Variants in TAP1 observed in about 807,000 individuals in gnomAD.
The protein encoded by TAP1 is transporter 1, ATP binding cassette subfamily B member.
TAP1 carries 56 observed loss-of-function variants against 79.3 expected under a neutral mutation model. That is an observed-to-expected ratio of 0.71 (90% CI 0.57 to 0.88). The LOEUF (loss-of-function observed/expected upper bound fraction) is 0.88. Ranked by LOEUF, TAP1 falls within the 40% of genes least tolerant of loss-of-function variation. The pLI, the probability that TAP1 is intolerant of heterozygous loss-of-function variation, is 0.00. For missense variants in TAP1, 737 were observed against 936.3 expected (o/e 0.79, Z 2.78); for synonymous variants, 355 against 401.4 (o/e 0.88, Z 1.38).
rs59328013 is a variant in TAP1, at chr6:32,852,214, C to G, written c.739G>C (p.Gly247Arg). The change falls in exon 3 of 11, where the codon GGG becomes CGG. Residue 247 changes from glycine to arginine, a missense_variant. Around this residue, in one of 5 missense-constraint regions of TAP1, gnomAD observed 406 missense variants for 477.2 expected, o/e 0.85. Transcript: ENST00000354258. The surrounding 1 kb of genome is among the most constrained non-coding windows in gnomAD (Gnocchi z 4.8). ...TGGCCCATGGTGTTGTTATAGATCC[C>G]GTCACCCACGAACTCCAGCACTGCA... ...ASAVLEFVGD[G>R]IYNNTMGHVH... 6.2e-7 allele frequency: 1 copy of G among 1,612,938 alleles called. No homozygotes were observed. Among genetic ancestry groups the G allele is most frequent in the Non-Finnish European group, 8.5e-7 (1 of 1,180,008 alleles).
At chr6:32,848,438 C>T (rs1015926182) in intron 7 of TAP1, among the ~76,000 whole-genome samples, 1 of 152,264 alleles carries the variant, frequency 6.6e-6, no homozygotes, top group Non-Finnish European at 1.5e-5. Context: ...CGTGAGAGCA[C>T]TCTCTTCGAA....
rs112476898 is a variant in TAP1, at chr6:32,848,054, C to G, written c.1605G>C (p.Ala535=). The G allele has an allele frequency of 6.2e-7, 1 of 1,612,706 alleles. No individual in the cohort carries two copies. The highest frequency in any genetic ancestry group is 1.3e-5 in the African/African-American group (1 of 74,926). ...TCCCAGACCCATTGGGTCCCACCAG[C>G]GCCGTCACCTCGCCAGGGCGTAGGG... ...TFTLRPGEVT[A]LVGPNGSGKS... Residue 535 remains alanine, a synonymous_variant, in exon 8 of 11, where the codon GCG becomes GCC. Coordinates refer to ENST00000354258, the MANE Select transcript of TAP1 (RefSeq NM_000593.6).
Position 32,845,592 on chromosome 6 carries a change from T to A in TAP1, c.2234A>T (p.Asp745Val), listed in dbSNP as rs1223158550. 1.9e-6 allele frequency: 3 copies of A among 1,613,046 alleles called. No homozygotes were observed. The highest frequency in any genetic ancestry group is 2.5e-6 in the Non-Finnish European group (3 of 1,180,026). Residue 745 changes from aspartate (D) to valine (V), a missense_variant, in exon 11 of 11, where the codon GAT becomes GTT. By Grantham distance (152) the Asp-to-Val change is radical. Transcript: ENST00000354258. The surrounding 1 kb of genome is among the most constrained non-coding windows in gnomAD (Gnocchi z 4.5). ...CTGAGAAGGCTTTCATTCTGGAGCA[T>A]CTGCAGGAGCCTGCACCATGGCCCA... ...CYWAMVQAPA[D>V]APE
Position 32,853,076 on chromosome 6 carries a change from G to A in TAP1, c.561C>T (p.Leu187=). 3 of 1,612,692 alleles carry A rather than the reference G, an allele frequency of 1.9e-6. No homozygotes were observed. Among genetic ancestry groups the A allele is most frequent in the African/African-American group, 1.3e-5 (1 of 75,054 alleles). ...GGACCACCAGGACCAGGAACAGCGAGAGGCGGCGCGTCTCCGAGCCCAGGC... is the reference window on the plus strand; with the variant it reads ...GGACCACCAGGACCAGGAACAGCGAAAGGCGGCGCGTCTCCGAGCCCAGGC... The part of the protein sequence containing the change: ...LGCLGSETRR[L]SLFLVLVVLS... Residue 187 remains leucine, a synonymous_variant, in exon 1 of 11, where the codon CTC becomes CTT. Coordinates refer to ENST00000354258, the MANE Select transcript of TAP1 (RefSeq NM_000593.6). This position sits in a 1 kb window ranked among gnomAD's most constrained non-coding sequence, Gnocchi z 8.3.
rs886514529 is a variant in TAP1 at position 32,850,586 on chromosome 6, C to A, written c.1051-69G>T. Reference sequence around the variant, plus strand: ...ATCAGGGACACTAATACCTGAGTTACCTATTTGGAAATTAAAGGTGAGAAG... The same window carrying A: ...ATCAGGGACACTAATACCTGAGTTAACTATTTGGAAATTAAAGGTGAGAAG... On this transcript the variant is annotated intron_variant, in intron 4 of 10. Transcript: ENST00000354258. The surrounding 1 kb of genome is among the most constrained non-coding windows in gnomAD (Gnocchi z 5.5). 1 of 1,382,388 alleles carries A rather than the reference C, an allele frequency of 7.2e-7. No individual in the cohort carries two copies. Among genetic ancestry groups the A allele is most frequent in the Admixed American group, 1.7e-5 (1 of 57,772 alleles). 85.6% of individuals were successfully genotyped at this position (1,382,388 alleles called of 1,614,324 possible). A position where few individuals can be genotyped will look rare whatever the true frequency, so the allele number is the denominator to read the frequency against.
At position 32,848,755 on chromosome 6, in the gene TAP1, C is replaced by T; in HGVS notation, c.1463G>A (p.Cys488Tyr). The T allele has an allele frequency of 6.2e-7, 1 of 1,614,078 alleles. No individual in the cohort carries two copies. The highest frequency in any genetic ancestry group is 8.5e-7 in the Non-Finnish European group (1 of 1,180,010). The change falls in exon 7 of 11, where the codon TGC becomes TAC. Residue 488 changes from cysteine (C) to tyrosine (Y), a missense_variant. By Grantham distance (194) the Cys-to-Tyr change is radical. Coordinates refer to ENST00000354258, the MANE Select transcript of TAP1 (RefSeq NM_000593.6). ...GGGAGTCAACAGACCACTGGGTGGG[C>T]AGCGAGGGGTGCGGTCCAGGTACTC... ...IFEYLDRTPR[C>Y]PPSGLLTPLH...
chr6:32,850,878 G>A lies in TAP1; in HGVS notation c.1050+66C>T. 1 of 1,413,044 alleles carries A rather than the reference G, an allele frequency of 7.1e-7. No homozygotes were observed. Among genetic ancestry groups the A allele is most frequent in the Non-Finnish European group, 1.0e-6 (1 of 999,766 alleles). 87.5% of individuals were successfully genotyped at this position (1,413,044 alleles called of 1,614,324 possible). ...AAGCTGGACTGAAAGCAATGTGAGAGGAACTGAGTCTGCCAAGTCTGGGAG... is the reference window on the plus strand; with the variant it reads ...AAGCTGGACTGAAAGCAATGTGAGAAGAACTGAGTCTGCCAAGTCTGGGAG... On this transcript the variant is annotated intron_variant, in intron 4 of 10. Coordinates refer to ENST00000354258, the MANE Select transcript of TAP1 (RefSeq NM_000593.6). This position sits in a 1 kb window ranked among gnomAD's most constrained non-coding sequence, Gnocchi z 5.5.
At position 32,847,479 on chromosome 6, in the gene TAP1, G is replaced by A. The variant is rs371140328; in HGVS notation, c.1903+34C>T. ...CTACTGGGGTTTCAGCAAAGGTAAA[G>A]ATGGCTGGGTGGTGAGATGAGTGGA... is the stretch of plus-strand genomic sequence containing the variant. On this transcript the variant is annotated intron_variant, in intron 9 of 10. Coordinates refer to ENST00000354258, the MANE Select transcript of TAP1 (RefSeq NM_000593.6). This position sits in a 1 kb window ranked among gnomAD's most constrained non-coding sequence, Gnocchi z 4.7. 5 of 1,612,720 alleles carry A rather than the reference G, an allele frequency of 3.1e-6. No homozygotes were observed. The highest frequency in any genetic ancestry group is 4.2e-6 in the Non-Finnish European group (5 of 1,179,990).
In TAP1 at chr6:32,851,303, A is replaced by C. The variant is rs1244043855; in HGVS notation, c.845-154T>G. 6.6e-6 allele frequency among the ~76,000 whole-genome samples: 1 copy of C among 152,210 alleles called. No homozygotes were observed. Among genetic ancestry groups the C allele is most frequent in the East Asian group, 1.9e-4 (1 of 5,198 alleles). On this transcript the variant is annotated intron_variant, in intron 3 of 10. Transcript: ENST00000354258. The surrounding 1 kb of genome is among the most constrained non-coding windows in gnomAD (Gnocchi z 4.8). ...AGGTTAGGGTTCTCCAGAGGTCTGCAAATCTCAGTGCAGGGAAGATGAGTG... is the reference window on the plus strand; with the variant it reads ...AGGTTAGGGTTCTCCAGAGGTCTGCCAATCTCAGTGCAGGGAAGATGAGTG...
In TAP1 at chr6:32,852,953, C is replaced by T; in HGVS notation, c.598+86G>A. ...CTCCTGCTCCACATTTCCCAGAACC[C>T]ACGCTACTCTACCTTACTGACAATT... On this transcript the variant is annotated intron_variant, in intron 1 of 10. Transcript: ENST00000354258. This position sits in a 1 kb window ranked among gnomAD's most constrained non-coding sequence, Gnocchi z 4.8. The T allele has an allele frequency of 6.6e-7, 1 of 1,519,022 alleles. No individual in the cohort carries two copies. The highest frequency in any genetic ancestry group is 1.2e-5 in the South Asian group (1 of 82,452). 94.1% of individuals were successfully genotyped at this position (1,519,022 alleles called of 1,614,324 possible).
Position 32,853,395 on chromosome 6 carries a change from C to A in TAP1, c.242G>T (p.Gly81Val), listed in dbSNP as rs1455162812. Residue 81 changes from glycine to valine, a missense_variant, in exon 1 of 11, where the codon GGC becomes GTC. Gly to Val is a moderately radical substitution (Grantham distance 109). Around this residue, in one of 5 missense-constraint regions of TAP1, gnomAD observed 406 missense variants for 477.2 expected, o/e 0.85. Transcript: ENST00000354258. The surrounding 1 kb of genome is among the most constrained non-coding windows in gnomAD (Gnocchi z 8.3). ...GACGVLRATV[G>V]SKSENAGAQG... is the part of the protein sequence containing the mutation. The stretch of plus-strand genomic sequence containing the variant: ...GGCACCTGCGTTTTCGCTCTTGGAG[C>A]CAACCGTTGCCCTGAGGACCCCGCA... The A allele has an allele frequency of 6.2e-6, 10 of 1,608,234 alleles. No individual in the cohort carries two copies. The highest frequency in any genetic ancestry group is 2.7e-5 in the African/African-American group (2 of 74,852).
In TAP1 at chr6:32,845,746, G is replaced by C. The variant is rs563899405; in HGVS notation, c.2080C>G (p.Arg694Gly). ...LLYESPERYS[R>G]SVLLITQHLS... ...TGCTGGGTGATGAGAAGCACTGAGC[G>C]GGAGTACCGCTCAGGGCTTTCGTAC... The change falls in exon 11 of 11, where the codon CGC becomes GGC. Residue 694 changes from arginine to glycine, a missense_variant. Physicochemically the swap from Arg to Gly is moderately radical, Grantham distance 125. Transcript: ENST00000354258. The surrounding 1 kb of genome is among the most constrained non-coding windows in gnomAD (Gnocchi z 4.5). 6.2e-7 allele frequency: 1 copy of C among 1,612,860 alleles called. No homozygotes were observed. The highest frequency in any genetic ancestry group is 8.5e-7 in the Non-Finnish European group (1 of 1,180,020).
chr6:32,847,507 G>C lies in TAP1; in HGVS notation c.1903+6C>G, dbSNP rs1038485182. 6.2e-7 allele frequency: 1 copy of C among 1,613,358 alleles called. No homozygotes were observed. The highest frequency in any genetic ancestry group is 1.1e-5 in the South Asian group (1 of 91,040). On this transcript the variant is annotated splice_donor_region_variant and intron_variant, in intron 9 of 10. Coordinates refer to ENST00000354258, the MANE Select transcript of TAP1 (RefSeq NM_000593.6). This position sits in a 1 kb window ranked among gnomAD's most constrained non-coding sequence, Gnocchi z 4.7. ...GGCTGGGTGGTGAGATGAGTGGAGA[G>C]AGTACCTGTGTCATAGCCCTGAGGG...
chr6:32,851,945 C>CAG lies in TAP1; in HGVS notation c.844+162_844+163dup, dbSNP rs879333184. ...TGTGTGAGAGAGAGAGAGAGAGAGA[C>CAG]AGAGACAGAGAGAGAGAGACAGGGA... On this transcript the variant is annotated intron_variant, in intron 3 of 10. Coordinates refer to ENST00000354258, the MANE Select transcript of TAP1 (RefSeq NM_000593.6). The surrounding 1 kb of genome is among the most constrained non-coding windows in gnomAD (Gnocchi z 4.8). 0.034 allele frequency among the ~76,000 whole-genome samples: 3,653 copies of CAG among 106,628 alleles called. 41 individuals are homozygous for CAG. The highest frequency in any genetic ancestry group is 0.048 in the South Asian group (138 of 2,850). The allele number at this position is 106,628 out of a possible 152,430, so 70.0% of individuals were successfully genotyped here.
chr6:32,845,673 C>T lies in TAP1; in HGVS notation c.2153G>A (p.Gly718Asp). The change falls in exon 11 of 11, where the codon GGC becomes GAC. Residue 718 changes from glycine to aspartate, a missense_variant. This residue lies in a region of TAP1 where 266 missense variants were observed against 332.4 expected (regional missense o/e 0.80). Coordinates refer to ENST00000354258, the MANE Select transcript of TAP1 (RefSeq NM_000593.6). The surrounding 1 kb of genome is among the most constrained non-coding windows in gnomAD (Gnocchi z 4.5). ...QADHILFLEG[G>D]AIREGGTHQQ... ...GTGGGTTCCCCCCTCCCGGATAGCG[C>T]CTCCTTCCAGAAAGAGGATGTGGTC... The T allele has an allele frequency of 6.2e-7, 1 of 1,613,080 alleles. No homozygotes were observed. The highest frequency in any genetic ancestry group is 8.5e-7 in the Non-Finnish European group (1 of 1,180,032).
Position 32,850,566 on chromosome 6 carries a change from G to GTATTAGTGTCCCTGAT in TAP1, c.1051-50_1051-49insATCAGGGACACTAATA. The GTATTAGTGTCCCTGAT allele has an allele frequency of 1.3e-6, 2 of 1,527,210 alleles. No individual in the cohort carries two copies. The highest frequency in any genetic ancestry group is 1.8e-6 in the Non-Finnish European group (2 of 1,111,666). The allele number at this position is 1,527,210 out of a possible 1,614,324, so 94.6% of individuals were successfully genotyped here. A position where few individuals can be genotyped will look rare whatever the true frequency, so the allele number is the denominator to read the frequency against. The stretch of plus-strand genomic sequence containing the variant: ...GTCACACGGGTTGGCAAACCATCAG[G>GTATTAGTGTCCCTGAT]GACACTAATACCTGAGTTACCTATT... On this transcript the variant is annotated intron_variant, in intron 4 of 10. Coordinates refer to ENST00000354258, the MANE Select transcript of TAP1 (RefSeq NM_000593.6). The surrounding 1 kb of genome is among the most constrained non-coding windows in gnomAD (Gnocchi z 5.5).
In TAP1 at chr6:32,853,294, C is replaced by A; in HGVS notation, c.343G>T (p.Glu115Ter). The stretch of plus-strand genomic sequence containing the variant: ...CCGGGGGCTCCCCATGAGATCAGCT[C>A]TCGGAACAAGGCAAGTCCCGGCAGG... Reference protein sequence around the residue: ...LALPGLALFRELISWGAPGSA... With the variant: ...LALPGLALFR The change falls in exon 1 of 11, where the codon GAG becomes TAG. Residue 115 changes from glutamate (E) to a stop codon, truncating the protein, a stop_gained. Transcript: ENST00000354258. LOFTEE classifies it high-confidence loss of function. This position sits in a 1 kb window ranked among gnomAD's most constrained non-coding sequence, Gnocchi z 8.3. 1 of 1,582,798 alleles carries A rather than the reference C, an allele frequency of 6.3e-7. No individual in the cohort carries two copies. The highest frequency in any genetic ancestry group is 2.3e-5 in the East Asian group (1 of 43,516).
chr6:32,850,128 A>G lies in TAP1; in HGVS notation c.1248+192T>C, dbSNP rs912343617. 5 of 677,164 alleles carry G rather than the reference A, an allele frequency of 7.4e-6. No homozygotes were observed. Among genetic ancestry groups the G allele is most frequent in the African/African-American group, 5.3e-5 (3 of 56,218 alleles). The allele number at this position is 677,164 out of a possible 1,614,324, so 41.9% of individuals were successfully genotyped here. A position where few individuals can be genotyped will look rare whatever the true frequency, so the allele number is the denominator to read the frequency against. On this transcript the variant is annotated intron_variant, in intron 5 of 10. Transcript: ENST00000354258. This position sits in a 1 kb window ranked among gnomAD's most constrained non-coding sequence, Gnocchi z 5.5. ...TTATGTACCATACTGAAAGGAAGCC[A>G]CCTAGCATCTTTAAAGAGAGGGAGG...
At position 32,847,923 on chromosome 6, in the gene TAP1, C is replaced by T; in HGVS notation, c.1736G>A (p.Arg579Lys). The T allele has an allele frequency of 6.2e-7, 1 of 1,613,120 alleles. No individual in the cohort carries two copies. The highest frequency in any genetic ancestry group is 2.2e-5 in the East Asian group (1 of 44,886). The stretch of plus-strand genomic sequence containing the variant: ...TCAAGCCACCTGCTTCCATACCTGC[C>T]TGTGCAGGTAGCGGTGCTCATATTG... ...LPQYEHRYLH[R>K]QVAAVGQEPQ... is the part of the protein sequence containing the mutation. Residue 579 changes from arginine (R) to lysine (K), a missense_variant, in exon 8 of 11, where the codon AGG becomes AAG. This residue lies in a region of TAP1 where 266 missense variants were observed against 332.4 expected (regional missense o/e 0.80). Transcript: ENST00000354258. This position sits in a 1 kb window ranked among gnomAD's most constrained non-coding sequence, Gnocchi z 4.7.
Sources: allele counts gnomAD v4.1 joint callset (sites outside exome capture counted in the v4.1 genomes callset), GRCh38; gene constraint gnomAD v4.1.1; regional missense constraint gnomAD v4.1.1; non-coding constraint Gnocchi (gnomAD v3.1); transcripts MANE v1.5; gene names NCBI Gene and HGNC (gene_info 2026-07-23, HGNC 2026-07-21).